The following ETS1 variants were observed in gnomAD, a reference collection of about 807,000 sequenced individuals.
The protein encoded by ETS1 is ETS proto-oncogene 1, transcription factor.
ETS1 carries 15 observed loss-of-function variants against 58.6 expected under a neutral mutation model. The observed-to-expected ratio is 0.26, with a 90% CI of 0.17 to 0.39. The LOEUF is 0.39. ETS1 is among the 10% of genes least tolerant of loss of function. The pLI is 1.00. For synonymous variants in ETS1, 214 were observed against 218.2 expected (o/e 0.98, Z 0.17); for missense variants, 417 against 610.5 (o/e 0.68, Z 3.34).
chr11:128,507,039 T>C (rs1364143347), intron 3 of ETS1, among the ~76,000 whole-genome samples: 1 of 152,094 alleles, frequency 6.6e-6, no homozygotes, highest in Non-Finnish European at 1.5e-5. Flanking sequence ...GAAAAGCTGA[T>C]AGGGCGGTGG....
chr11:128,507,871 T>C (rs1056341024), intron 3 of ETS1, among the ~76,000 whole-genome samples: 2 of 152,170 alleles, frequency 1.3e-5, no homozygotes, highest in African/African-American at 2.4e-5. Flanking sequence ...CTCCTAAACC[T>C]TGAATGGCTG....
intron 5 of ETS1, among the ~76,000 whole-genome samples, chr11:128,488,174 C>T (rs1482783444): frequency 1.3e-5 from 2 of 152,214 alleles, no homozygotes; most frequent in Non-Finnish European, 1.5e-5. Flanking sequence ...ATGTCAACAC[C>T]TATGAGTGGG....
At chr11:128,586,941 A>T (rs914995424) in intron 1 of ETS1, among the ~76,000 whole-genome samples, 1 of 152,214 alleles carries the variant, frequency 6.6e-6, no homozygotes, top group Non-Finnish European at 1.5e-5. Flanking sequence ...AGGAACTTGT[A>T]GATCTTTGGA....
chr11:128,519,864 A>G lies in ETS1; in HGVS notation c.215-29288T>C, dbSNP rs568580482. 2.7e-5 allele frequency among the ~76,000 whole-genome samples: 4 copies of G among 145,702 alleles called. No homozygotes were observed. The South Asian group carries it at 9.1e-4, about 33-fold the overall frequency. On this transcript the variant is annotated intron_variant, in intron 3 of 9. Transcript: ENST00000392668. ...TTCGCATATAAGCAACTAAAGGTCC[A>G]GAAAAAAAAAAGTTGATTATAGTCT... is the stretch of plus-strand genomic sequence containing the variant.
At chr11:128,476,839 T>C (rs1008997428) in intron 8 of ETS1, among the ~76,000 whole-genome samples, 3 of 152,252 alleles carry the variant, frequency 2.0e-5, no homozygotes, top group South Asian at 2.1e-4. Flanking sequence ...AGAAGGTACA[T>C]TTTGGCGGAA....
chr11:128,479,951 C>T (rs116640970), intron 8 of ETS1, among the ~76,000 whole-genome samples: 89 of 151,874 alleles, frequency 5.9e-4, no homozygotes, highest in African/African-American at 2.1e-3. Context: ...TGTAAGTTTC[C>T]TACCATTCTT....
chr11:128,504,925 T>TG lies in ETS1; in HGVS notation c.215-14350dup, dbSNP rs1863190299. 3 of 152,344 alleles carry TG rather than the reference T, an allele frequency of 2.0e-5. No homozygotes were observed. In the South Asian group the frequency reaches 6.2e-4, roughly 32 times the overall value. The allele number at this position is 152,344 out of a possible 1,614,324, so 9.4% of individuals were successfully genotyped here. A position where few individuals can be genotyped will look rare whatever the true frequency, so the allele number is the denominator to read the frequency against. On this transcript the variant is annotated intron_variant, in intron 3 of 9. Transcript: ENST00000392668. ...CCACTCCTATTTCAGGTTATAAGTC[T>TG]GGAATACCAATGGTCAGACTCTAAG...
At chr11:128,517,462 G>C (rs143957817) in intron 3 of ETS1, among the ~76,000 whole-genome samples, 2 of 152,228 alleles carry the variant, frequency 1.3e-5, no homozygotes, top group African/African-American at 2.4e-5. Flanking sequence ...ACACCTCAGA[G>C]TAAGTGTGAA....
chr11:128,545,003 G>A (rs1322617076), intron 3 of ETS1, among the ~76,000 whole-genome samples: 4 of 149,286 alleles, frequency 2.7e-5, no homozygotes, highest in Admixed American at 1.3e-4. Context: ...GTCTGCTCAC[G>A]GAGCTGGCTG....
At chr11:128,580,176 TAAAAAAAAAAAA>T (rs140049360) in intron 1 of ETS1, among the ~76,000 whole-genome samples, 2 of 102,396 alleles carry the variant, frequency 2.0e-5, no homozygotes, top group Non-Finnish European at 3.8e-5. Flanking sequence ...GTTTGGACAT[TAAAAAAAAAAAA>T]AAAAAAAAAA....
chr11:128,533,061 A>G lies in ETS1; in HGVS notation c.214+23230T>C, dbSNP rs112764033. On this transcript the variant is annotated intron_variant, in intron 3 of 9. Coordinates refer to ENST00000392668, the MANE Select transcript of ETS1 (RefSeq NM_001143820.2). The stretch of plus-strand genomic sequence containing the variant: ...CTCCTTAGCCCCGCTCCCATCGCCA[A>G]TTAGCCGTCGCCTTTGAAAAGCCAT... Among the ~76,000 whole-genome samples, 474 of 152,286 alleles carry G rather than the reference A, an allele frequency of 3.1e-3. 4 individuals carry two copies. Among genetic ancestry groups the G allele is most frequent in the African/African-American group, 0.011 (446 of 41,566 alleles).
chr11:128,527,395 C>A (rs547695578), intron 3 of ETS1: 2 of 166,784 alleles, frequency 1.2e-5, no homozygotes, highest in Admixed American at 1.1e-4. Flanking sequence ...TGCAGCAAAT[C>A]AAACATGGCT....
chr11:128,466,872 G>T (rs551140248), intron 8 of ETS1, among the ~76,000 whole-genome samples: 34 of 152,136 alleles, frequency 2.2e-4, no homozygotes, highest in Middle Eastern at 3.4e-3. Flanking sequence ...AATCTCTCCC[G>T]TTGGCTTCAT....
chr11:128,517,148 T>TC (rs1199342624), intron 3 of ETS1, among the ~76,000 whole-genome samples: 2 of 152,148 alleles, frequency 1.3e-5, no homozygotes, highest in Non-Finnish European at 1.5e-5. Context: ...ATGGACCCTT[T>TC]CCCCAAGCCG....
At chr11:128,489,605 G>C in intron 4 of ETS1, 115 bp from the exon 5 acceptor site, 2 of 785,770 alleles carry the variant, frequency 2.5e-6, no homozygotes, top group South Asian at 3.0e-5. Flanking sequence ...TTTATTCATC[G>C]AATGAGGAAG....
intron 8 of ETS1, among the ~76,000 whole-genome samples, chr11:128,479,725 G>C (rs1187142159): frequency 6.6e-6 from 1 of 152,124 alleles, no homozygotes; most frequent in Non-Finnish European, 1.5e-5. Context: ...TCCCACATTT[G>C]AACAGCTGGC....
In ETS1 at chr11:128,549,526, G is replaced by GT. The variant is rs766063300; in HGVS notation, c.214+6764dup. Among the ~76,000 whole-genome samples the GT allele has an allele frequency of 6.6e-6, 1 of 152,158 alleles. No individual in the cohort carries two copies. The highest frequency in any genetic ancestry group is 1.5e-5 in the Non-Finnish European group (1 of 68,004). ...TGTGGTTTGAAAAAGTTGAGAGAAC[G>GT]TTTTTTCTCTCCGCAGCCCCCTGGG... On this transcript the variant is annotated intron_variant, in intron 3 of 9. Coordinates refer to ENST00000392668, the MANE Select transcript of ETS1 (RefSeq NM_001143820.2). The surrounding 1 kb of genome is among the most constrained non-coding windows in gnomAD (Gnocchi z 4.3).
At chr11:128,543,618 C>T (rs1864088008) in intron 3 of ETS1, among the ~76,000 whole-genome samples, 1 of 152,200 alleles carries the variant, frequency 6.6e-6, no homozygotes, top group Non-Finnish European at 1.5e-5. Flanking sequence ...TAAAAGATTA[C>T]TCTCACACTC....
At chr11:128,556,605 C>G (rs181084334) in intron 2 of ETS1, among the ~76,000 whole-genome samples, 170 bp from the exon 3 acceptor site, 1 of 152,142 alleles carries the variant, frequency 6.6e-6, no homozygotes, top group Admixed American at 6.5e-5. Flanking sequence ...CACATAAAGA[C>G]GCAGGGAACG....
Sources: gnomAD v4.1 joint callset for allele counts (sites outside exome capture counted in the v4.1 genomes callset) on GRCh38, gnomAD v4.1.1 for gene constraint, Gnocchi (gnomAD v3.1) non-coding constraint, MANE v1.5 for transcripts, NCBI Gene and HGNC (gene_info 2026-07-23, HGNC 2026-07-21) for gene names.